IMMP2L: variants seen among roughly 807,000 people sequenced by gnomAD.
The protein encoded by IMMP2L is mitochondrial inner membrane protease subunit 2.
Under a neutral mutation model 19.3 loss-of-function variants are expected in IMMP2L, and 18 were observed. The ratio of observed to expected loss-of-function variants is 0.93; its 90% CI spans 0.64 to 1.38. The LOEUF (loss-of-function observed/expected upper bound fraction) is 1.38. Ranked by LOEUF, IMMP2L falls within the 40% of genes most tolerant of loss-of-function variation. The probability of loss-of-function intolerance (pLI) is 0.00; values close to 1 mark genes in which losing one functional copy is unlikely to be tolerated. For synonymous variants in IMMP2L, 76 were observed against 73.0 expected (o/e 1.04, Z -0.21); for missense variants, 233 against 218.2 (o/e 1.07, Z -0.43).
intron 5 of IMMP2L, among the ~76,000 whole-genome samples, chr7:110,820,583 C>T (rs1802935912): frequency 2.0e-5 from 3 of 151,972 alleles, no homozygotes. Flanking sequence ...CACACCCACC[C>T]ACCCACTCAC....
chr7:111,384,242 AAGGAGAG>A lies in IMMP2L; in HGVS notation c.239+102989_239+102995del, dbSNP rs1831502923. Among the ~76,000 whole-genome samples the A allele has an allele frequency of 2.9e-5, 4 of 137,648 alleles. 1 individual carries two copies. Among genetic ancestry groups the A allele is most frequent in the African/African-American group, 1.0e-4 (3 of 29,260 alleles). The allele number at this position is 137,648 out of a possible 152,430, so 90.3% of individuals were successfully genotyped here. ...GAGAGAGGAGAAAGGAGAGAGGAGA[AAGGAGAG>A]AGGAGAAAGGAGAAAGGAGAGAGGA... On this transcript the variant is annotated intron_variant, in intron 3 of 5. Coordinates refer to ENST00000405709, the MANE Select transcript of IMMP2L (RefSeq NM_032549.4).
At position 111,521,368 on chromosome 7, in the gene IMMP2L, A is replaced by T. The variant is rs1259954798; in HGVS notation, c.80T>A (p.Val27Glu). The T allele has an allele frequency of 3.7e-6, 6 of 1,613,258 alleles. No homozygotes were observed. Among genetic ancestry groups the T allele is most frequent in the Non-Finnish European group, 4.2e-6 (5 of 1,179,536 alleles). ...KGFFVAVPVA[V>E]TFLDRVACVA... ...ACAGGCGACCCGATCCAAGAAAGTC[A>T]CTGCCACAGGCACCGCCACAAAGAA... is the stretch of plus-strand genomic sequence containing the variant. The change falls in exon 2 of 6, where the codon GTG becomes GAG. Residue 27 changes from valine to glutamate, a missense_variant. Transcript: ENST00000405709.
intron 3 of IMMP2L, among the ~76,000 whole-genome samples, chr7:111,359,446 C>T (rs567544494): frequency 6.6e-6 from 1 of 151,998 alleles, no homozygotes; most frequent in South Asian, 2.1e-4. Context: ...GGATTATAGG[C>T]ACCCGCCACC....
chr7:111,039,335 A>G (rs1009172941), intron 3 of IMMP2L, among the ~76,000 whole-genome samples: 1 of 152,210 alleles, frequency 6.6e-6, no homozygotes, highest in African/African-American at 2.4e-5. Context: ...AGTCAAAAAC[A>G]TGTTCAAAAC....
intron 3 of IMMP2L, among the ~76,000 whole-genome samples, chr7:111,193,055 T>A (rs926961876): frequency 2.6e-5 from 4 of 151,994 alleles, no homozygotes; most frequent in Non-Finnish European, 4.4e-5. Context: ...AAGAGATGCA[T>A]AAATGGAGAT....
At chr7:110,835,647 A>AT (rs113965754) in intron 5 of IMMP2L, among the ~76,000 whole-genome samples, 20,388 of 149,760 alleles carry the variant, frequency 0.14, 1,782 homozygotes, top group African/African-American at 0.24. Context: ...ACTCAGTAGC[A>AT]TTTTTTTTTT....
At chr7:111,037,545 T>C (rs561902776) in intron 3 of IMMP2L, among the ~76,000 whole-genome samples, 15 of 152,320 alleles carry the variant, frequency 9.8e-5, no homozygotes, top group African/African-American at 3.1e-4. Context: ...CATCCAGCTA[T>C]ATTTTGTGAA....
At chr7:111,431,587 G>C (rs1021494553) in intron 3 of IMMP2L, among the ~76,000 whole-genome samples, 3 of 151,682 alleles carry the variant, frequency 2.0e-5, no homozygotes, top group Non-Finnish European at 4.4e-5. Flanking sequence ...TGGGTGGATA[G>C]GTCCATAATG....
At chr7:111,413,390 A>C (rs1834621706) in intron 3 of IMMP2L, among the ~76,000 whole-genome samples, 1 of 151,980 alleles carries the variant, frequency 6.6e-6, no homozygotes, top group Non-Finnish European at 1.5e-5. Context: ...CCAGATAGAG[A>C]TTACAAAAAA....
chr7:111,117,999 C>T (rs974758357), intron 3 of IMMP2L, among the ~76,000 whole-genome samples: 3 of 152,090 alleles, frequency 2.0e-5, no homozygotes, highest in African/African-American at 7.2e-5. Context: ...CACATGTCCT[C>T]ACTATACCCC....
intron 5 of IMMP2L, among the ~76,000 whole-genome samples, chr7:110,791,427 T>TC (rs1800451616): frequency 6.6e-6 from 1 of 151,642 alleles, no homozygotes; most frequent in Admixed American, 6.6e-5. Context: ...TCTTACCCTC[T>TC]CCCCTAAGGG....
chr7:111,344,883 A>G (rs1196661494), intron 3 of IMMP2L, among the ~76,000 whole-genome samples: 1 of 152,132 alleles, frequency 6.6e-6, no homozygotes. Context: ...ACAAGTCGAC[A>G]AAGTTCTGAA....
chr7:110,779,661 A>T (rs1799610529), intron 5 of IMMP2L, among the ~76,000 whole-genome samples: 1 of 151,932 alleles, frequency 6.6e-6, no homozygotes, highest in Non-Finnish European at 1.5e-5. Context: ...TTTTACGGTA[A>T]GCAAGGAAAA....
At chr7:111,426,123 A>G (rs1429234288) in intron 3 of IMMP2L, among the ~76,000 whole-genome samples, 1 of 151,162 alleles carries the variant, frequency 6.6e-6, no homozygotes, top group Non-Finnish European at 1.5e-5. Context: ...ATGGACTATC[A>G]TGTAGGTAAC....
chr7:111,328,531 T>C (rs772621763), intron 3 of IMMP2L, among the ~76,000 whole-genome samples: 14 of 151,838 alleles, frequency 9.2e-5, no homozygotes, highest in Non-Finnish European at 1.9e-4. Flanking sequence ...ATGGCAATTA[T>C]AAAAAGTAAG....
At chr7:111,397,185 T>C (rs1292868501) in intron 3 of IMMP2L, among the ~76,000 whole-genome samples, 2 of 152,186 alleles carry the variant, frequency 1.3e-5, no homozygotes, top group Non-Finnish European at 2.9e-5. Flanking sequence ...TCTAGTCCTT[T>C]ATCTAGACAT....
chr7:111,284,824 T>C (rs1820314095), intron 3 of IMMP2L, among the ~76,000 whole-genome samples: 1 of 152,174 alleles, frequency 6.6e-6, no homozygotes, highest in Non-Finnish European at 1.5e-5. Context: ...TCCATCTTTA[T>C]GGTGGACAAA....
At chr7:111,037,693 T>C (rs1413172178) in intron 3 of IMMP2L, among the ~76,000 whole-genome samples, 1 of 152,190 alleles carries the variant, frequency 6.6e-6, no homozygotes, top group Non-Finnish European at 1.5e-5. Context: ...CTAGCTTATC[T>C]TACATACTGA....
At chr7:111,342,429 T>G (rs1279054636) in intron 3 of IMMP2L, among the ~76,000 whole-genome samples, 3 of 151,750 alleles carry the variant, frequency 2.0e-5, no homozygotes, top group Non-Finnish European at 4.4e-5. Flanking sequence ...CTGTCTCTAC[T>G]AAAAATACAA....
Sources: allele counts gnomAD v4.1 joint callset (sites outside exome capture counted in the v4.1 genomes callset), GRCh38; gene constraint gnomAD v4.1.1; transcripts MANE v1.5; gene names NCBI Gene and HGNC (gene_info 2026-07-23, HGNC 2026-07-21).